Variants in AGBL1 observed in about 807,000 individuals in gnomAD.
AGBL1 encodes cytosolic carboxypeptidase 4.
In AGBL1, 130 loss-of-function variants were observed where a neutral mutation model predicts 118.9. That is an observed-to-expected ratio of 1.09 (90% confidence interval 0.95 to 1.26). The LOEUF is 1.26. Ranked by LOEUF, AGBL1 falls within the 50% of genes most tolerant of loss-of-function variation. AGBL1 has a pLI of 0.00. For missense variants in AGBL1, 1,584 were observed against 1,298.1 expected (o/e 1.22, Z -3.38); for synonymous variants, 555 against 478.9 (o/e 1.16, Z -2.08).
intron 7 of AGBL1, among the ~76,000 whole-genome samples, chr15:86,248,602 G>A (rs2078758802): frequency 6.6e-6 from 1 of 152,128 alleles, no homozygotes; most frequent in Non-Finnish European, 1.5e-5. Flanking sequence ...TGTAGAAATG[G>A]CCCGTGCTTA....
chr15:86,905,484 A>T (rs1213149419), intron 22 of AGBL1, among the ~76,000 whole-genome samples: 3 of 152,212 alleles, frequency 2.0e-5, no homozygotes, highest in Admixed American at 6.5e-5. Context: ...TGAAGCAACA[A>T]ATCTACATGC....
At chr15:86,297,083 A>C (rs2079656975) in intron 17 of AGBL1, 1 of 152,190 alleles carries the variant, frequency 6.6e-6, no homozygotes, top group African/African-American at 2.4e-5. Flanking sequence ...TTCTGTTAAA[A>C]AAAGAGAGAG....
chr15:86,861,964 T>C (rs8026055), intron 22 of AGBL1, among the ~76,000 whole-genome samples: 35,129 of 152,166 alleles, frequency 0.23, 4,229 homozygotes, highest in Admixed American at 0.3. Flanking sequence ...CTAAGGATAC[T>C]GCAATTAAGA....
At chr15:86,810,574 G>A (rs995820186) in intron 22 of AGBL1, among the ~76,000 whole-genome samples, 2 of 152,086 alleles carry the variant, frequency 1.3e-5, no homozygotes, top group African/African-American at 4.8e-5. Flanking sequence ...GTCCTGGCAG[G>A]ACTAAATGAC....
chr15:86,818,559 G>A (rs547659537), intron 22 of AGBL1, among the ~76,000 whole-genome samples: 1 of 152,164 alleles, frequency 6.6e-6, no homozygotes, highest in South Asian at 2.1e-4. Flanking sequence ...CACAAAGCAG[G>A]TCCTGATGCC....
intron 22 of AGBL1, among the ~76,000 whole-genome samples, chr15:86,803,578 A>G (rs185663271): frequency 6.3e-4 from 96 of 152,278 alleles, no homozygotes; most frequent in African/African-American, 2.2e-3. Flanking sequence ...TGAGTGATCC[A>G]TTTAAATTAT....
At chr15:86,631,306 G>A (rs1448322378) in intron 21 of AGBL1, among the ~76,000 whole-genome samples, 3 of 148,564 alleles carry the variant, frequency 2.0e-5, no homozygotes, top group Admixed American at 1.3e-4. Context: ...GTAGGTTTGG[G>A]GAGAAAAAAA....
intron 6 of AGBL1, among the ~76,000 whole-genome samples, chr15:86,240,685 A>G (rs2078628000): frequency 6.6e-6 from 1 of 152,184 alleles, no homozygotes; most frequent in African/African-American, 2.4e-5. Context: ...CTATCCTGAA[A>G]AAGACGAGTT....
At chr15:86,814,303 A>G (rs1282306742) in intron 22 of AGBL1, among the ~76,000 whole-genome samples, 1 of 152,118 alleles carries the variant, frequency 6.6e-6, no homozygotes, top group Non-Finnish European at 1.5e-5. Flanking sequence ...AGGTGGAACA[A>G]TTTCATCCCA....
At chr15:86,469,631 T>C (rs1428377207) in intron 18 of AGBL1, among the ~76,000 whole-genome samples, 2 of 152,102 alleles carry the variant, frequency 1.3e-5, no homozygotes, top group African/African-American at 2.4e-5. Context: ...GGGTAGTTCA[T>C]TGTAGTATTT....
At chr15:86,692,967 C>A (rs944392290) in intron 22 of AGBL1, among the ~76,000 whole-genome samples, 7 of 152,042 alleles carry the variant, frequency 4.6e-5, no homozygotes, top group Admixed American at 2.0e-4. Flanking sequence ...AGTAGTATTC[C>A]ATTCCATATA....
chr15:86,604,732 T>C (rs1053684444), intron 21 of AGBL1, among the ~76,000 whole-genome samples: 16 of 152,018 alleles, frequency 1.1e-4, no homozygotes, highest in Admixed American at 7.2e-4. Context: ...TATATATAAA[T>C]TATTATGAAT....
At chr15:86,389,812 A>G (rs998817762) in intron 17 of AGBL1, among the ~76,000 whole-genome samples, 3 of 151,968 alleles carry the variant, frequency 2.0e-5, no homozygotes, top group African/African-American at 7.2e-5. Context: ...AAAAGAAACA[A>G]TGGGAAAAAA....
chr15:86,583,137 A>C (rs1724304087), intron 21 of AGBL1, among the ~76,000 whole-genome samples: 2 of 151,910 alleles, frequency 1.3e-5, no homozygotes, highest in African/African-American at 4.8e-5. Flanking sequence ...ATTTTTAGAG[A>C]TGAGAATTGG....
At chr15:86,686,471 T>C (rs1327795895) in intron 22 of AGBL1, among the ~76,000 whole-genome samples, 1 of 135,024 alleles carries the variant, frequency 7.4e-6, no homozygotes, top group African/African-American at 2.7e-5. Context: ...TGAGATGAAG[T>C]CTTGCCCTGT....
chr15:86,260,547 A>T (rs975103442), intron 9 of AGBL1, among the ~76,000 whole-genome samples: 16 of 151,956 alleles, frequency 1.1e-4, no homozygotes, highest in African/African-American at 3.6e-4. Context: ...TTTCTTTTTA[A>T]TTTTTTATTC....
At chr15:86,861,061 T>A (rs572738046) in intron 22 of AGBL1, among the ~76,000 whole-genome samples, 1 of 152,080 alleles carries the variant, frequency 6.6e-6, no homozygotes, top group African/African-American at 2.4e-5. Context: ...GTTGATTTCA[T>A]TGGGTGGATG....
chr15:86,638,113 C>T (rs951609346), intron 21 of AGBL1, among the ~76,000 whole-genome samples: 4 of 151,990 alleles, frequency 2.6e-5, no homozygotes, highest in Admixed American at 2.0e-4. Context: ...GGCTAGAGAC[C>T]CAGAACTGCT....
Position 86,104,059 on chromosome 15 carries a change from C to T in AGBL1, c.51+24036C>T, listed in dbSNP as rs1009984837. ...CAGGTGGTGCATGCAGGTGGGTGCC[C>T]GCTGTGCTGGTAGCTGCAGATTGAG... On this transcript the variant is annotated intron_variant, in intron 1 of 22. Coordinates refer to ENST00000614907, the MANE Select transcript of AGBL1 (RefSeq NM_001386094.1). Among the ~76,000 whole-genome samples the T allele has an allele frequency of 3.3e-5, 5 of 152,106 alleles. No homozygotes were observed. In the East Asian group the frequency reaches 5.8e-4, roughly 18 times the overall value.
Sources: allele counts gnomAD v4.1 joint callset (sites outside exome capture counted in the v4.1 genomes callset), GRCh38; gene constraint gnomAD v4.1.1; transcripts MANE v1.5; gene names NCBI Gene and HGNC (gene_info 2026-07-23, HGNC 2026-07-21).